Variants in ACACA observed in about 807,000 individuals in gnomAD.
The protein encoded by ACACA is acetyl-CoA carboxylase 1.
Under a neutral mutation model 296.1 loss-of-function variants are expected in ACACA, and 103 were observed. That is an observed-to-expected ratio of 0.35 (90% CI 0.30 to 0.41). ACACA has a LOEUF of 0.41. ACACA is among the 10% of genes least tolerant of loss of function. The pLI, the probability that ACACA is intolerant of heterozygous loss-of-function variation, is 1.00. For missense variants in ACACA, 1,554 were observed against 2,989.7 expected (o/e 0.52, Z 11.20); for synonymous variants, 953 against 1,038.6 (o/e 0.92, Z 1.58).
At chr17:37,253,904 GT>G (rs1172128100) in intron 14 of ACACA, among the ~76,000 whole-genome samples, 1 of 151,810 alleles carries the variant, frequency 6.6e-6, no homozygotes, top group African/African-American at 2.4e-5. Context: ...ATGTGACAGT[GT>G]TTTTTTTAAA....
At chr17:37,400,469 T>C (rs1292519570) in intron 1 of ACACA, among the ~76,000 whole-genome samples, 1 of 131,484 alleles carries the variant, frequency 7.6e-6, no homozygotes, top group Non-Finnish European at 1.6e-5. Flanking sequence ...ATAGATCTCC[T>C]GCACTTATTC....
chr17:37,174,020 A>ATATAT (rs552735515), intron 41 of ACACA, among the ~76,000 whole-genome samples: 10 of 16,790 alleles, frequency 6.0e-4, no homozygotes, highest in Non-Finnish European at 7.9e-4. Context: ...ATATATATAT[A>ATATAT]TTTTTTTTTT....
At chr17:37,197,959 A>T (rs2078078597) in intron 35 of ACACA, among the ~76,000 whole-genome samples, 1 of 152,176 alleles carries the variant, frequency 6.6e-6, no homozygotes, top group African/African-American at 2.4e-5. Flanking sequence ...ATGCCACTAT[A>T]AATAGGAATC....
chr17:37,332,944 A>G (rs1310426353), intron 2 of ACACA, among the ~76,000 whole-genome samples: 2 of 151,936 alleles, frequency 1.3e-5, no homozygotes, highest in East Asian at 3.9e-4. Flanking sequence ...ATAATTCCCA[A>G]TTGTGGACCT....
chr17:37,294,320 A>T (rs770020127), intron 3 of ACACA, among the ~76,000 whole-genome samples: 10 of 152,228 alleles, frequency 6.6e-5, no homozygotes, highest in African/African-American at 2.2e-4. Context: ...CAGCTTGTTT[A>T]GTAAAGTTAT....
At chr17:37,196,645 A>G (rs2145186237) in intron 35 of ACACA, among the ~76,000 whole-genome samples, 1 of 152,122 alleles carries the variant, frequency 6.6e-6, no homozygotes, top group East Asian at 1.9e-4. Flanking sequence ...GCATAATATT[A>G]TATCCCAATT....
chr17:37,200,801 T>C (rs1428579435), intron 33 of ACACA, among the ~76,000 whole-genome samples: 3 of 152,254 alleles, frequency 2.0e-5, no homozygotes, highest in Non-Finnish European at 2.9e-5. Context: ...TTTCTGCTTA[T>C]AGAAATCATA....
chr17:37,231,593 C>A, intron 25 of ACACA, among the ~76,000 whole-genome samples: 1 of 152,168 alleles, frequency 6.6e-6, no homozygotes, highest in Non-Finnish European at 1.5e-5. Context: ...TGCTGATCAG[C>A]ATCATAAATT....
intron 28 of ACACA, 110 bp downstream of exon 28, chr17:37,223,402 A>C: frequency 1.1e-6 from 1 of 891,420 alleles, no homozygotes; most frequent in Non-Finnish European, 1.9e-6. Context: ...ACTACCCTTA[A>C]GAACCAACCT....
chr17:37,225,348 G>T, intron 26 of ACACA: 1 of 469,712 alleles, frequency 2.1e-6, no homozygotes, highest in Non-Finnish European at 3.9e-6. Context: ...GTGGGTAGGG[G>T]GAAGGGAGAG....
In ACACA at chr17:37,089,050, C is replaced by G; in HGVS notation, c.6916G>C (p.Asp2306His). ...TGTTTCTCTAGCCACTCCGCCAGATCCTTATTATTGTCCCAAACATAAGCC... is the reference window on the plus strand; with the variant it reads ...TGTTTCTCTAGCCACTCCGCCAGATGCTTATTATTGTCCCAAACATAAGCC... ...VKAYVWDNNK[D>H]LAEWLEKQLT... Residue 2306 changes from aspartate to histidine, a missense_variant, in exon 55 of 56, where the codon GAT becomes CAT. By Grantham distance (81) the Asp-to-His change is moderately conservative. Coordinates refer to ENST00000616317, the MANE Select transcript of ACACA (RefSeq NM_198834.3). 1 of 1,614,196 alleles carries G rather than the reference C, an allele frequency of 6.2e-7. No homozygotes were observed. The highest frequency in any genetic ancestry group is 2.2e-5 in the East Asian group (1 of 44,880).
At chr17:37,224,017 C>T (rs1312664013) in intron 27 of ACACA, among the ~76,000 whole-genome samples, 3 of 152,204 alleles carry the variant, frequency 2.0e-5, no homozygotes, top group Non-Finnish European at 4.4e-5. Flanking sequence ...GCCTGGCCAA[C>T]ATGGCGAAAC....
chr17:37,174,005 TATATA>T lies in ACACA; in HGVS notation c.5079+5250_5079+5254del, dbSNP rs2076998798. ...ATTTATATATATATATATATATATA[TATATA>T]TATATATATATTTTTTTTTTTTTTT... On this transcript the variant is annotated intron_variant, in intron 41 of 55. Transcript: ENST00000616317. Among the ~76,000 whole-genome samples the T allele has an allele frequency of 1.3e-3, 19 of 14,486 alleles. 1 individual carries two copies. Among genetic ancestry groups the T allele is most frequent in the African/African-American group, 5.9e-3 (12 of 2,028 alleles). 9.5% of individuals were successfully genotyped at this position (14,486 alleles called of 152,430 possible). A position where few individuals can be genotyped will look rare whatever the true frequency, so the allele number is the denominator to read the frequency against.
chr17:37,195,810 T>G (rs2077969271), intron 35 of ACACA, among the ~76,000 whole-genome samples: 1 of 152,180 alleles, frequency 6.6e-6, no homozygotes, highest in Non-Finnish European at 1.5e-5. Flanking sequence ...TACTGCCAGT[T>G]TTTCCACTGA....
chr17:37,256,655 C>T (rs1037646226), intron 14 of ACACA, among the ~76,000 whole-genome samples: 3 of 151,986 alleles, frequency 2.0e-5, no homozygotes, highest in Admixed American at 6.6e-5. Context: ...TTGCTTGAGC[C>T]CAGGAGGTCG....
intron 2 of ACACA, among the ~76,000 whole-genome samples, chr17:37,338,307 T>A (rs894435197): frequency 2.0e-5 from 3 of 150,382 alleles, no homozygotes; most frequent in African/African-American, 7.3e-5. Context: ...CTTGAAATAT[T>A]AGGTCTTAAA....
At chr17:37,130,502 C>T (rs769538200) in intron 45 of ACACA, among the ~76,000 whole-genome samples, 1 of 152,034 alleles carries the variant, frequency 6.6e-6, no homozygotes, top group African/African-American at 2.4e-5. Flanking sequence ...AGCACACCAA[C>T]GCGGCACATG....
At chr17:37,231,500 G>A (rs2079858335) in intron 25 of ACACA, among the ~76,000 whole-genome samples, 1 of 152,148 alleles carries the variant, frequency 6.6e-6, no homozygotes, top group African/African-American at 2.4e-5. Flanking sequence ...CAGTGAATGT[G>A]GAATCACTGA....
chr17:37,315,787 C>A (rs531585678), intron 3 of ACACA, among the ~76,000 whole-genome samples: 1 of 152,226 alleles, frequency 6.6e-6, no homozygotes, highest in African/African-American at 2.4e-5. Flanking sequence ...ATGTGTTGAC[C>A]ATCCCAGAAG....
Sources: gnomAD v4.1 joint callset for allele counts (sites outside exome capture counted in the v4.1 genomes callset) on GRCh38, gnomAD v4.1.1 for gene constraint, MANE v1.5 for transcripts, NCBI Gene and HGNC (gene_info 2026-07-23, HGNC 2026-07-21) for gene names.